Variants in GLP2R observed in about 807,000 individuals in gnomAD.
GLP2R encodes the protein glucagon-like peptide 2 receptor.
GLP2R carries 59 observed loss-of-function variants against 68.2 expected under a neutral mutation model. The ratio of observed to expected loss-of-function variants is 0.87; its 90% CI spans 0.70 to 1.07. The LOEUF (loss-of-function observed/expected upper bound fraction) is 1.07. GLP2R is among the 50% of genes least tolerant of loss of function. GLP2R has a pLI of 0.00. For synonymous variants in GLP2R, 270 were observed against 265.4 expected (o/e 1.02, Z -0.17); for missense variants, 548 against 677.4 (o/e 0.81, Z 2.12).
rs576353814 is a variant in GLP2R, at chr17:9,865,648, C to T, written c.1056+3558C>T. ...AAGCCTCAAGTGCCTGTTGGATGGC[C>T]CCAGGTCTGCCTGATAAATTCTCTT... is the stretch of plus-strand genomic sequence containing the variant. On this transcript the variant is annotated intron_variant, in intron 9 of 12. Coordinates refer to ENST00000262441, the MANE Select transcript of GLP2R (RefSeq NM_004246.3). Among the ~76,000 whole-genome samples the T allele has an allele frequency of 3.3e-4, 50 of 152,128 alleles. 1 individual carries two copies. Among genetic ancestry groups the T allele is most frequent in the Non-Finnish European group, 4.9e-4 (33 of 68,026 alleles).
chr17:9,835,722 G>A (rs1246442168), intron 2 of GLP2R, among the ~76,000 whole-genome samples: 1 of 152,040 alleles, frequency 6.6e-6, no homozygotes, highest in Non-Finnish European at 1.5e-5. Flanking sequence ...GAGTCCTCCT[G>A]TCCCCAAGTT....
chr17:9,842,637 G>A lies in GLP2R; in HGVS notation c.504+21G>A, dbSNP rs746050828. The A allele has an allele frequency of 5.6e-6, 9 of 1,612,500 alleles. No homozygotes were observed. The South Asian group carries it at 8.8e-5, about 16-fold the overall frequency. On this transcript the variant is annotated intron_variant, in intron 4 of 12. Coordinates refer to ENST00000262441, the MANE Select transcript of GLP2R (RefSeq NM_004246.3). ...AAAACGTGAGTTTGCTCAGCTCAGT[G>A]AGGAGGCATCCAGGGTCCAAACCAC...
chr17:9,859,410 C>T (rs2066963754), intron 6 of GLP2R, among the ~76,000 whole-genome samples: 1 of 152,028 alleles, frequency 6.6e-6, no homozygotes, highest in South Asian at 2.1e-4. Context: ...TGGCCTTGAA[C>T]ACCTACCTGA....
chr17:9,849,990 A>G (rs891052665), intron 4 of GLP2R, among the ~76,000 whole-genome samples: 3 of 152,198 alleles, frequency 2.0e-5, no homozygotes, highest in African/African-American at 4.8e-5. Flanking sequence ...TTGTGGCAGT[A>G]TATCTTTTGG....
At chr17:9,854,442 G>A in intron 4 of GLP2R, 53 bp from the exon 5 acceptor site, 1 of 1,069,958 alleles carries the variant, frequency 9.3e-7, no homozygotes, top group Non-Finnish European at 1.5e-6. Flanking sequence ...GCTGGGGGTT[G>A]TGGCCATAGC....
At chr17:9,833,936 G>T in intron 2 of GLP2R, 42 bp downstream of exon 2, 8 of 1,267,020 alleles carry the variant, frequency 6.3e-6, no homozygotes, top group South Asian at 3.6e-5. Context: ...GTAACAAATT[G>T]CCCCAAAGCT....
chr17:9,854,733 G>T, intron 5 of GLP2R, 132 bp downstream of exon 5: 1 of 668,642 alleles, frequency 1.5e-6, no homozygotes, highest in South Asian at 1.7e-5. Flanking sequence ...TTCAAACCAG[G>T]GATAGAACCA....
At chr17:9,850,640 C>T (rs969648192) in intron 4 of GLP2R, among the ~76,000 whole-genome samples, 1 of 151,926 alleles carries the variant, frequency 6.6e-6, no homozygotes, top group Non-Finnish European at 1.5e-5. Context: ...GGCTTGATAA[C>T]CCATGCTTTA....
chr17:9,844,880 G>A (rs1204379627), intron 4 of GLP2R, among the ~76,000 whole-genome samples: 3 of 150,470 alleles, frequency 2.0e-5, no homozygotes, highest in Non-Finnish European at 3.0e-5. Context: ...TAGTAGAGAC[G>A]GGGTTTCACC....
Position 9,890,132 on chromosome 17 carries a change from C to A in GLP2R, c.*427C>A. The A allele has an allele frequency of 2.2e-6, 1 of 446,954 alleles. No individual in the cohort carries two copies. Among genetic ancestry groups the A allele is most frequent in the Non-Finnish European group, 4.5e-6 (1 of 223,684 alleles). The allele number at this position is 446,954 out of a possible 1,614,324, so 27.7% of individuals were successfully genotyped here. ...CTAGGAAGCTTTTAAAATGCAGAATCCTAGACTTGTGGCTAAGATTCTAAG... is the reference window on the plus strand; with the variant it reads ...CTAGGAAGCTTTTAAAATGCAGAATACTAGACTTGTGGCTAAGATTCTAAG... On this transcript the variant is annotated 3_prime_UTR_variant, in exon 13 of 13. Transcript: ENST00000262441.
rs142204910 is a variant in GLP2R at position 9,889,286 on chromosome 17, G to A, written c.1327-84G>A. On this transcript the variant is annotated intron_variant, in intron 12 of 12. Transcript: ENST00000262441. ...GTAAATTTCCCAAGGGTGGCACAGA[G>A]TAGCTACTCAATTAATATTTGCTAA... The A allele has an allele frequency of 5.2e-4, 455 of 872,666 alleles. 3 individuals carry two copies. The East Asian group carries it at 0.01, about 20-fold the overall frequency. The allele number at this position is 872,666 out of a possible 1,614,324, so 54.1% of individuals were successfully genotyped here.
At chr17:9,834,414 G>C (rs2066708022) in intron 2 of GLP2R, 2 of 163,344 alleles carry the variant, frequency 1.2e-5, no homozygotes, top group African/African-American at 4.8e-5. Flanking sequence ...TAAAGGAATG[G>C]GGGTGGGGGG....
At chr17:9,888,588 TC>T (rs1378781245) in intron 12 of GLP2R, among the ~76,000 whole-genome samples, 3 of 152,170 alleles carry the variant, frequency 2.0e-5, no homozygotes, top group Non-Finnish European at 4.4e-5. Flanking sequence ...TGCCTCAGCC[TC>T]CTGAGTAGCT....
At chr17:9,837,565 A>G (rs2152031895) in intron 3 of GLP2R, among the ~76,000 whole-genome samples, 1 of 152,294 alleles carries the variant, frequency 6.6e-6, no homozygotes, top group South Asian at 2.1e-4. Flanking sequence ...GGAGGTGCCA[A>G]TAGGTTAGTG....
chr17:9,887,830 G>A, intron 11 of GLP2R, 102 bp from the exon 12 acceptor site: 1 of 826,772 alleles, frequency 1.2e-6, no homozygotes, highest in Non-Finnish European at 2.2e-6. Context: ...GCCTCTTCTG[G>A]AGACTCCTTA....
At chr17:9,877,895 A>C (rs955380970) in intron 10 of GLP2R, among the ~76,000 whole-genome samples, 2 of 143,226 alleles carry the variant, frequency 1.4e-5, no homozygotes, top group South Asian at 4.5e-4. Context: ...AAAAAAAAAA[A>C]CGTTAGGGAA....
At chr17:9,861,115 C>T in intron 7 of GLP2R, 24 bp from the exon 8 acceptor site, 1 of 1,608,230 alleles carries the variant, frequency 6.2e-7, no homozygotes, top group Non-Finnish European at 8.5e-7. Context: ...CTCCTAACTA[C>T]ATTTCCCTGT....
chr17:9,887,622 A>G (rs1597408430), intron 11 of GLP2R, among the ~76,000 whole-genome samples: 3 of 152,200 alleles, frequency 2.0e-5, no homozygotes, highest in East Asian at 3.9e-4. Context: ...TAATTGAATG[A>G]ATGACACAAG....
intron 4 of GLP2R, chr17:9,853,121 C>A: frequency 5.7e-6 from 3 of 527,414 alleles, no homozygotes; most frequent in East Asian, 4.5e-5. Flanking sequence ...CATTCATTGT[C>A]TCTGCGTCAA....
Sources: allele counts gnomAD v4.1 joint callset (sites outside exome capture counted in the v4.1 genomes callset), GRCh38; gene constraint gnomAD v4.1.1; transcripts MANE v1.5; gene names NCBI Gene and HGNC (gene_info 2026-07-23, HGNC 2026-07-21).